Variants in SPAST observed in about 807,000 individuals in gnomAD.
The protein encoded by SPAST is spastic paraplegia 4 (autosomal dominant; spastin).
In SPAST, 30 loss-of-function variants were observed where a neutral mutation model predicts 76.6. That is an observed-to-expected ratio of 0.39 (90% CI 0.29 to 0.53). The LOEUF (loss-of-function observed/expected upper bound fraction) is 0.53, where lower values mean the gene tolerates loss of function less well. Among genes scored for constraint, SPAST ranks in the 20% least tolerant of loss-of-function variants. The probability of loss-of-function intolerance (pLI) is 0.68; values close to 1 mark genes in which losing one functional copy is unlikely to be tolerated. For synonymous variants in SPAST, 305 were observed against 281.0 expected (o/e 1.09, Z -0.86); for missense variants, 717 against 770.5 (o/e 0.93, Z 0.82).
intron 3 of SPAST, among the ~76,000 whole-genome samples, chr2:32,097,046 T>G (rs1677942100): frequency 6.6e-6 from 1 of 152,220 alleles, no homozygotes; most frequent in South Asian, 2.1e-4. Context: ...TGTCAAACTT[T>G]AGAAATGAAA....
intron 2 of SPAST, among the ~76,000 whole-genome samples, chr2:32,087,906 CAG>C (rs1373543565): frequency 6.7e-6 from 1 of 150,276 alleles, no homozygotes; most frequent in Non-Finnish European, 1.5e-5. Flanking sequence ...GTTTTTGAGA[CAG>C]AGTCTCGCTC....
intron 1 of SPAST, among the ~76,000 whole-genome samples, chr2:32,072,609 T>G (rs1254806276): frequency 1.3e-5 from 2 of 152,164 alleles, no homozygotes; most frequent in Non-Finnish European, 2.9e-5. Flanking sequence ...GTTGGGGGTC[T>G]TAGAGTTTTA....
intron 6 of SPAST, 33 bp downstream of exon 6, chr2:32,115,868 A>G (rs1013783405): frequency 1.3e-6 from 2 of 1,524,426 alleles, no homozygotes; most frequent in Non-Finnish European, 9.0e-7. Context: ...TTTATTTTAT[A>G]GTTTTTATAT....
chr2:32,097,769 C>T (rs1267723649), intron 3 of SPAST, among the ~76,000 whole-genome samples: 1 of 150,500 alleles, frequency 6.6e-6, no homozygotes, highest in African/African-American at 2.4e-5. Flanking sequence ...TCTCAGCTCA[C>T]TGCAACCTCC....
intron 15 of SPAST, among the ~76,000 whole-genome samples, chr2:32,145,449 G>T (rs1294402053): frequency 6.6e-6 from 1 of 152,110 alleles, no homozygotes; most frequent in Non-Finnish European, 1.5e-5. Flanking sequence ...TGAGCCAGTA[G>T]ACTGTGACCC....
In SPAST at chr2:32,063,813, G is replaced by T; in HGVS notation, c.-19G>T. On this transcript the variant is annotated 5_prime_UTR_variant, in exon 1 of 17. Transcript: ENST00000315285. ...CTGCGGGAGGCGGGTTATGGCGGCGGCGGCAGTGAGAGCTGTGAATGAATT... is the reference window on the plus strand; with the variant it reads ...CTGCGGGAGGCGGGTTATGGCGGCGTCGGCAGTGAGAGCTGTGAATGAATT... The T allele has an allele frequency of 6.4e-7, 1 of 1,556,332 alleles. No homozygotes were observed. The highest frequency in any genetic ancestry group is 2.4e-5 in the East Asian group (1 of 42,208).
At chr2:32,132,591 C>T (rs114106855) in intron 9 of SPAST, among the ~76,000 whole-genome samples, 3,456 of 151,784 alleles carry the variant, frequency 0.023, 117 homozygotes, top group African/African-American at 0.078. Context: ...TATCTGCTTC[C>T]CTCCAGTCCC....
intron 1 of SPAST, among the ~76,000 whole-genome samples, chr2:32,065,228 C>G (rs528522099): frequency 6.6e-6 from 1 of 152,134 alleles, no homozygotes; most frequent in African/African-American, 2.4e-5. Context: ...CCATGTTGGC[C>G]AGGATGGTCT....
chr2:32,157,298 T>C lies in SPAST; in HGVS notation c.*2802T>C, dbSNP rs1198937143. 1.3e-5 allele frequency: 2 copies of C among 152,648 alleles called. No individual in the cohort carries two copies. Among genetic ancestry groups the C allele is most frequent in the Non-Finnish European group, 2.9e-5 (2 of 68,018 alleles). The allele number at this position is 152,648 out of a possible 1,614,324, so 9.5% of individuals were successfully genotyped here. A position where few individuals can be genotyped will look rare whatever the true frequency, so the allele number is the denominator to read the frequency against. Reference sequence around the variant, plus strand: ...AGGGTAAAAGCTTATTCTAAGACAGTCTGTCCATTGAGAATATTAGATTTC... The same window carrying C: ...AGGGTAAAAGCTTATTCTAAGACAGCCTGTCCATTGAGAATATTAGATTTC... On this transcript the variant is annotated 3_prime_UTR_variant, in exon 17 of 17. Coordinates refer to ENST00000315285, the MANE Select transcript of SPAST (RefSeq NM_014946.4).
chr2:32,086,482 G>A (rs1376355745), intron 1 of SPAST, among the ~76,000 whole-genome samples: 2 of 151,274 alleles, frequency 1.3e-5, no homozygotes, highest in African/African-American at 4.9e-5. Flanking sequence ...AAAAAATGAG[G>A]CCGGGCGCGG....
intron 3 of SPAST, among the ~76,000 whole-genome samples, chr2:32,091,050 A>G (rs574606644): frequency 6.6e-6 from 1 of 151,984 alleles, no homozygotes; most frequent in African/African-American, 2.4e-5. Flanking sequence ...TTTTAAATAT[A>G]TATTAATAAG....
intron 12 of SPAST, among the ~76,000 whole-genome samples, chr2:32,140,421 G>A (rs1285095719): frequency 6.6e-6 from 1 of 152,014 alleles, no homozygotes; most frequent in Non-Finnish European, 1.5e-5. Context: ...CCAGGAGTTT[G>A]AGACCAGCCT....
chr2:32,119,242 A>G (rs1303033924), intron 7 of SPAST, among the ~76,000 whole-genome samples: 2 of 152,180 alleles, frequency 1.3e-5, no homozygotes, highest in Non-Finnish European at 2.9e-5. Flanking sequence ...GCGTTTCACA[A>G]TAGACTCACA....
rs565898439 is a variant in SPAST, at chr2:32,155,166, T to C, written c.*670T>C. ...CCAAACAGTTTAGATAGCAATATAATAGCAAAAAAGCAAATATGGTAAAAT... is the reference window on the plus strand; with the variant it reads ...CCAAACAGTTTAGATAGCAATATAACAGCAAAAAAGCAAATATGGTAAAAT... On this transcript the variant is annotated 3_prime_UTR_variant, in exon 17 of 17. Coordinates refer to ENST00000315285, the MANE Select transcript of SPAST (RefSeq NM_014946.4). The C allele has an allele frequency of 3.3e-5, 5 of 152,946 alleles. No homozygotes were observed. The highest frequency in any genetic ancestry group is 1.9e-4 in the East Asian group (1 of 5,200). 9.5% of individuals were successfully genotyped at this position (152,946 alleles called of 1,614,324 possible). A position where few individuals can be genotyped will look rare whatever the true frequency, so the allele number is the denominator to read the frequency against.
intron 4 of SPAST, among the ~76,000 whole-genome samples, chr2:32,101,239 T>G (rs1358672695): frequency 6.6e-6 from 1 of 152,200 alleles, no homozygotes; most frequent in Non-Finnish European, 1.5e-5. Flanking sequence ...TCATGTGTCT[T>G]TTGGCTGCAT....
chr2:32,077,408 A>G (rs1046517820), intron 1 of SPAST, among the ~76,000 whole-genome samples: 1 of 152,188 alleles, frequency 6.6e-6, no homozygotes, highest in Non-Finnish European at 1.5e-5. Flanking sequence ...TTAATCAACA[A>G]ATTTACTAAG....
chr2:32,113,135 A>T (rs13010405), intron 4 of SPAST, among the ~76,000 whole-genome samples: 42,770 of 150,062 alleles, frequency 0.29, 6,354 homozygotes, highest in East Asian at 0.55. Flanking sequence ...TATTATTATT[A>T]TTTTTTTTTT....
chr2:32,124,492 A>T (rs1679126939), intron 7 of SPAST, among the ~76,000 whole-genome samples: 1 of 149,378 alleles, frequency 6.7e-6, no homozygotes, highest in African/African-American at 2.4e-5. Flanking sequence ...ACAGTTTGAC[A>T]GTTTCTTACA....
At chr2:32,071,604 G>A (rs191270149) in intron 1 of SPAST, among the ~76,000 whole-genome samples, 130 of 152,266 alleles carry the variant, frequency 8.5e-4, no homozygotes, top group African/African-American at 2.8e-3. Flanking sequence ...GACATAAGAC[G>A]TCAGTTAAAC....
Sources: allele counts gnomAD v4.1 joint callset (sites outside exome capture counted in the v4.1 genomes callset), GRCh38; gene constraint gnomAD v4.1.1; transcripts MANE v1.5; gene names NCBI Gene and HGNC (gene_info 2026-07-23, HGNC 2026-07-21).